NEK4: variants seen among roughly 807,000 people sequenced by gnomAD.
NEK4 encodes serine/threonine-protein kinase Nek4.
In NEK4, 86 loss-of-function variants were observed where a neutral mutation model predicts 98.4. The ratio of observed to expected loss-of-function variants is 0.87; its 90% confidence interval spans 0.73 to 1.05. The LOEUF (loss-of-function observed/expected upper bound fraction) is 1.05, where lower values mean the gene tolerates loss of function less well. Among genes scored for constraint, NEK4 ranks in the 50% least tolerant of loss-of-function variants. The pLI is 0.00. For synonymous variants in NEK4, 328 were observed against 342.2 expected (o/e 0.96, Z 0.46); for missense variants, 898 against 950.3 (o/e 0.94, Z 0.72).
At chr3:52,753,127 C>T (rs1339373350) in intron 6 of NEK4, among the ~76,000 whole-genome samples, 1 of 151,612 alleles carries the variant, frequency 6.6e-6, no homozygotes, top group Admixed American at 6.6e-5. Context: ...CATGGCGAAA[C>T]CCCATTTCTA....
At chr3:52,746,441 T>C (rs1024183885) in intron 9 of NEK4, among the ~76,000 whole-genome samples, 1 of 152,222 alleles carries the variant, frequency 6.6e-6, no homozygotes, top group Non-Finnish European at 1.5e-5. Context: ...GTGGAGAAGC[T>C]GAAGAAAGAA....
chr3:52,745,063 C>T (rs2097393725), intron 10 of NEK4, among the ~76,000 whole-genome samples: 1 of 151,846 alleles, frequency 6.6e-6, no homozygotes, highest in Non-Finnish European at 1.5e-5. Flanking sequence ...CTACAGGCGC[C>T]CACCACAACG....
At chr3:52,721,012 ATC>A (rs2097359591) in intron 15 of NEK4, among the ~76,000 whole-genome samples, 1 of 152,218 alleles carries the variant, frequency 6.6e-6, no homozygotes, top group Non-Finnish European at 1.5e-5. Flanking sequence ...TACTGACAGA[ATC>A]TCTTTTACGT....
At chr3:52,761,651 G>C (rs1244136064) in intron 5 of NEK4, among the ~76,000 whole-genome samples, 1 of 152,020 alleles carries the variant, frequency 6.6e-6, no homozygotes, top group Non-Finnish European at 1.5e-5. Context: ...TATGTAATCT[G>C]GTAATCACAG....
intron 15 of NEK4, 112 bp downstream of exon 15, chr3:52,737,474 A>G: frequency 1.8e-6 from 2 of 1,129,198 alleles, no homozygotes; most frequent in Admixed American, 4.0e-5. Context: ...ATTAAAAACC[A>G]CTGAATTATA....
intron 14 of NEK4, 39 bp downstream of exon 14, chr3:52,739,390 C>CT: frequency 6.4e-7 from 1 of 1,560,144 alleles, no homozygotes; most frequent in Non-Finnish European, 8.8e-7. Context: ...CAGAGTGAGA[C>CT]TCCGTCTAAA....
Position 52,763,499 on chromosome 3 carries a change from T to C in NEK4, c.792A>G (p.Gln264=), listed in dbSNP as rs570956288. ...TTGTGGCCTCCAAAAAGAAGGAGAT[T>C]TGCCGCTTTATATAAGGCTGCCTCA... The part of the protein sequence containing the change: ...SILRQPYIKR[Q]ISFFLEATKI... The change falls in exon 5 of 16, where the codon CAA becomes CAG. Residue 264 remains glutamine (Q), a synonymous_variant. Coordinates refer to ENST00000233027, the MANE Select transcript of NEK4 (RefSeq NM_003157.6). 9 of 1,613,420 alleles carry C rather than the reference T, an allele frequency of 5.6e-6. No homozygotes were observed. The highest frequency in any genetic ancestry group is 5.3e-5 in the African/African-American group (4 of 75,004).
intron 6 of NEK4, chr3:52,754,381 G>A (rs977793539): frequency 8.8e-6 from 4 of 454,726 alleles, no homozygotes; most frequent in South Asian, 7.5e-5. Flanking sequence ...TTTTCTACAA[G>A]ATTGATACAA....
intron 12 of NEK4, 53 bp from the exon 13 acceptor site, chr3:52,741,552 T>C (rs1164172289): frequency 8.8e-6 from 10 of 1,140,852 alleles, no homozygotes; most frequent in Admixed American, 6.8e-5. Context: ...AACCAGAATG[T>C]GATACTTGAA....
chr3:52,745,474 G>T (rs2097394423), intron 10 of NEK4, among the ~76,000 whole-genome samples: 1 of 151,856 alleles, frequency 6.6e-6, no homozygotes, highest in South Asian at 2.1e-4. Flanking sequence ...AGCTACTCAG[G>T]AGGCTGAGGC....
chr3:52,723,737 G>A lies in NEK4; in HGVS notation c.2434-11868C>T, dbSNP rs146664693. The stretch of plus-strand genomic sequence containing the variant: ...ATAGAACACCATCAAGCAGCCCAAC[G>A]TAAGCAATGTGGGAGTCCCAGAGAA... On this transcript the variant is annotated intron_variant, in intron 15 of 15. Transcript: ENST00000233027. 5.5e-3 allele frequency among the ~76,000 whole-genome samples: 833 copies of A among 152,232 alleles called. 13 individuals carry two copies. In the South Asian group the frequency reaches 0.067, roughly 12 times the overall value.
chr3:52,770,418 G>C (rs1055912206), intron 1 of NEK4, among the ~76,000 whole-genome samples: 2 of 150,840 alleles, frequency 1.3e-5, no homozygotes, highest in African/African-American at 4.9e-5. Flanking sequence ...ACTTAGAATT[G>C]TAATTAAAGA....
chr3:52,762,592 A>G (rs1174359488), intron 5 of NEK4, among the ~76,000 whole-genome samples: 1 of 152,230 alleles, frequency 6.6e-6, no homozygotes. Flanking sequence ...CTACTTTGGC[A>G]TAAAGATTAT....
At chr3:52,764,766 ACACACACACATG>A (rs57142702) in intron 4 of NEK4, among the ~76,000 whole-genome samples, 4,292 of 113,272 alleles carry the variant, frequency 0.038, 75 homozygotes, top group African/African-American at 0.1. Flanking sequence ...GCGCATGCAC[ACACACACACATG>A]CACACACACA....
chr3:52,717,595 A>G (rs1232997893), intron 15 of NEK4, among the ~76,000 whole-genome samples: 1 of 151,848 alleles, frequency 6.6e-6, no homozygotes. Flanking sequence ...GAAGAGTGCC[A>G]TTGTCTCCAC....
rs1175735944 is a variant in NEK4 at position 52,746,171 on chromosome 3, T to C, written c.1717A>G (p.Ile573Val). 5.6e-6 allele frequency: 9 copies of C among 1,613,942 alleles called. No individual in the cohort carries two copies. Among genetic ancestry groups the C allele is most frequent in the Non-Finnish European group, 5.1e-6 (6 of 1,179,992 alleles). ...SPPRFLPSHP[I>V]VGKVDVTSTQ... is the part of the protein sequence containing the mutation. ...GATGTGACATCCACTTTCCCAACAA[T>C]GGGATGAGAAGGCAAAAATCGAGGA... is the stretch of plus-strand genomic sequence containing the variant. Residue 573 changes from isoleucine to valine, a missense_variant, in exon 10 of 16, where the codon ATT becomes GTT. By Grantham distance (29) the Ile-to-Val change is conservative. Transcript: ENST00000233027.
chr3:52,743,876 C>G (rs1055053759), intron 11 of NEK4, among the ~76,000 whole-genome samples: 1 of 152,146 alleles, frequency 6.6e-6, no homozygotes, highest in African/African-American at 2.4e-5. Context: ...AGCACCACTC[C>G]CCAAGCAACC....
chr3:52,764,010 C>A (rs1202875638), intron 4 of NEK4, among the ~76,000 whole-genome samples: 4 of 152,196 alleles, frequency 2.6e-5, no homozygotes, highest in Non-Finnish European at 4.4e-5. Flanking sequence ...TAGGGCCAGT[C>A]GCAGTGGCTT....
Position 52,764,259 on chromosome 3 carries a change from C to A in NEK4, c.667-635G>T, listed in dbSNP as rs543594590. On this transcript the variant is annotated intron_variant, in intron 4 of 15. Transcript: ENST00000233027. The stretch of plus-strand genomic sequence containing the variant: ...CCGAGATCACGCCACAGCACTCCAG[C>A]CTGGCAACAGAGCGAGACTCTGTCT... Among the ~76,000 whole-genome samples, 122 of 150,806 alleles carry A rather than the reference C, an allele frequency of 8.1e-4. 2 individuals are homozygous for A. The highest frequency in any genetic ancestry group is 2.4e-3 in the African/African-American group (100 of 40,984).
Sources: gnomAD v4.1 joint callset for allele counts (sites outside exome capture counted in the v4.1 genomes callset) on GRCh38, gnomAD v4.1.1 for gene constraint, MANE v1.5 for transcripts, NCBI Gene and HGNC (gene_info 2026-07-23, HGNC 2026-07-21) for gene names.